The following CSMD1 variants were observed in gnomAD, a reference collection of about 807,000 sequenced individuals.
CSMD1 encodes CUB and Sushi multiple domains 1.
Under a neutral mutation model 417.5 loss-of-function variants are expected in CSMD1, and 213 were observed. The observed-to-expected ratio is 0.51, with a 90% confidence interval of 0.46 to 0.57. The LOEUF (loss-of-function observed/expected upper bound fraction) is 0.57. Among genes scored for constraint, CSMD1 ranks in the 20% least tolerant of loss-of-function variants. CSMD1 has a pLI of 0.00. For missense variants in CSMD1, 6,923 were observed against 4,529.7 expected, an observed-to-expected ratio of 1.53 and a Z score of -15.17; for synonymous variants, 2,862 against 1,736.8, an observed-to-expected ratio of 1.65 and a Z score of -16.11.
chr8:3,785,184 G>T (rs1035537892), intron 5 of CSMD1, among the ~76,000 whole-genome samples: 1 of 152,194 alleles, frequency 6.6e-6, no homozygotes, highest in Non-Finnish European at 1.5e-5. Flanking sequence ...TGATGGAGAT[G>T]ATGACTACTG....
intron 6 of CSMD1, among the ~76,000 whole-genome samples, chr8:3,711,801 G>A (rs900611035): frequency 2.7e-4 from 41 of 152,276 alleles, no homozygotes; most frequent in African/African-American, 9.9e-4. Context: ...TCAGGAGAGA[G>A]GAGATGAATG....
chr8:3,387,909 T>C, intron 17 of CSMD1, among the ~76,000 whole-genome samples: 1 of 152,254 alleles, frequency 6.6e-6, no homozygotes, highest in Non-Finnish European at 1.5e-5. Flanking sequence ...AGATATTATC[T>C]ACATACAACA....
At chr8:3,675,406 T>A (rs1340047407) in intron 7 of CSMD1, among the ~76,000 whole-genome samples, 1 of 152,182 alleles carries the variant, frequency 6.6e-6, no homozygotes, top group Non-Finnish European at 1.5e-5. Flanking sequence ...TTGTTTTGTT[T>A]GCTAATGAAC....
chr8:4,412,477 C>T (rs577400423), intron 3 of CSMD1, among the ~76,000 whole-genome samples: 25 of 152,310 alleles, frequency 1.6e-4, no homozygotes, highest in Non-Finnish European at 3.4e-4. Flanking sequence ...GCCAGTACCA[C>T]GGTTCCTGTC....
At chr8:3,480,596 C>T (rs1297358903) in intron 11 of CSMD1, among the ~76,000 whole-genome samples, 4 of 152,004 alleles carry the variant, frequency 2.6e-5, no homozygotes, top group Non-Finnish European at 5.9e-5. Flanking sequence ...TCTAAGTTAA[C>T]CTCTCAAAAA....
intron 3 of CSMD1, among the ~76,000 whole-genome samples, chr8:4,381,543 G>A (rs942195274): frequency 2.0e-5 from 3 of 152,070 alleles, no homozygotes; most frequent in Admixed American, 6.5e-5. Flanking sequence ...TAGGGAGGAG[G>A]TATTTTTGGA....
intron 3 of CSMD1, among the ~76,000 whole-genome samples, chr8:4,325,802 T>A (rs1389154031): frequency 1.3e-5 from 2 of 152,170 alleles, no homozygotes; most frequent in African/African-American, 4.8e-5. Flanking sequence ...CCATTTAAAA[T>A]GCTGATGACC....
At chr8:4,161,277 A>G (rs147102233) in intron 3 of CSMD1, among the ~76,000 whole-genome samples, 28 of 152,348 alleles carry the variant, frequency 1.8e-4, no homozygotes, top group African/African-American at 6.3e-4. Flanking sequence ...GAAACATTAC[A>G]TAACTCACCA....
intron 41 of CSMD1, among the ~76,000 whole-genome samples, chr8:3,122,984 G>A (rs578196993): frequency 7.2e-5 from 11 of 152,256 alleles, no homozygotes; most frequent in East Asian, 3.9e-4. Context: ...CCAGGTGTTC[G>A]AAGGAAGAAT....
At chr8:3,849,022 CAT>C (rs1378051053) in intron 5 of CSMD1, among the ~76,000 whole-genome samples, 28 of 151,854 alleles carry the variant, frequency 1.8e-4, no homozygotes, top group African/African-American at 6.8e-4. Flanking sequence ...GTTCTCTGCT[CAT>C]ATAAACTTAA....
At chr8:4,527,936 C>A (rs1005594092) in intron 2 of CSMD1, among the ~76,000 whole-genome samples, 1 of 152,134 alleles carries the variant, frequency 6.6e-6, no homozygotes, top group African/African-American at 2.4e-5. Context: ...TGAGGGTGTG[C>A]TGACTGGCCC....
At chr8:3,814,631 C>T (rs774578142) in intron 5 of CSMD1, among the ~76,000 whole-genome samples, 15 of 152,124 alleles carry the variant, frequency 9.9e-5, no homozygotes, top group Non-Finnish European at 1.8e-4. Flanking sequence ...GAACGGCCTC[C>T]CAAACAAAGA....
intron 7 of CSMD1, among the ~76,000 whole-genome samples, chr8:3,670,455 T>C (rs939905265): frequency 4.7e-5 from 7 of 150,018 alleles, no homozygotes; most frequent in African/African-American, 1.7e-4. Flanking sequence ...TATATAAATA[T>C]CCCATATATA....
chr8:3,284,534 G>C (rs571168944), intron 25 of CSMD1, 188 bp from the exon 26 acceptor site: 65 of 593,088 alleles, frequency 1.1e-4, no homozygotes, highest in African/African-American at 9.6e-4. Flanking sequence ...GTGTAAATTA[G>C]GATAAAGCAC....
intron 1 of CSMD1, among the ~76,000 whole-genome samples, chr8:4,960,961 A>C (rs1585413019): frequency 1.3e-5 from 2 of 152,184 alleles, no homozygotes; most frequent in Non-Finnish European, 2.9e-5. Flanking sequence ...TAAACAATGC[A>C]CTTAGCCCAT....
intron 29 of CSMD1, among the ~76,000 whole-genome samples, chr8:3,214,956 A>G (rs73183588): frequency 0.086 from 13,067 of 152,308 alleles, 752 homozygotes; most frequent in Middle Eastern, 0.14. Flanking sequence ...AATTACCTTC[A>G]TCTACATAAA....
At chr8:3,847,341 C>G (rs1275278946) in intron 5 of CSMD1, among the ~76,000 whole-genome samples, 1 of 152,060 alleles carries the variant, frequency 6.6e-6, no homozygotes, top group Non-Finnish European at 1.5e-5. Context: ...TAAAAGTGTT[C>G]CAAGTCAGAG....
At chr8:4,179,278 T>G (rs1407897564) in intron 3 of CSMD1, among the ~76,000 whole-genome samples, 18 of 152,146 alleles carry the variant, frequency 1.2e-4, no homozygotes, top group Middle Eastern at 3.4e-3. Flanking sequence ...ATGCCACGTA[T>G]CTACAACTAT....
intron 12 of CSMD1, among the ~76,000 whole-genome samples, chr8:3,449,003 C>G (rs540527488): frequency 2.0e-5 from 3 of 152,262 alleles, no homozygotes; most frequent in African/African-American, 7.2e-5. Context: ...AAACAGAAAT[C>G]AAACACGTAT....
Sources: gnomAD v4.1 joint callset for allele counts (sites outside exome capture counted in the v4.1 genomes callset) on GRCh38, gnomAD v4.1.1 for gene constraint, MANE v1.5 for transcripts, NCBI Gene and HGNC (gene_info 2026-07-23, HGNC 2026-07-21) for gene names.